Variants in DERA observed in about 807,000 individuals in gnomAD.
DERA encodes the protein 2-deoxy-D-ribose 5-phosphate aldolase.
In DERA, 15 loss-of-function variants were observed where a neutral mutation model predicts 41.1. The ratio of observed to expected loss-of-function variants is 0.37; its 90% CI spans 0.24 to 0.56. The LOEUF (loss-of-function observed/expected upper bound fraction) is 0.56, where lower values mean the gene tolerates loss of function less well. Ranked by LOEUF, DERA falls within the 20% of genes least tolerant of loss-of-function variation. The probability of loss-of-function intolerance (pLI) is 0.81; values close to 1 mark genes in which losing one functional copy is unlikely to be tolerated. For synonymous variants in DERA, 139 were observed against 137.4 expected (o/e 1.01, Z -0.08); for missense variants, 396 against 403.4 (o/e 0.98, Z 0.16).
intron 1 of DERA, among the ~76,000 whole-genome samples, chr12:15,944,873 T>G (rs1438692376): frequency 1.3e-5 from 2 of 152,214 alleles, no homozygotes; most frequent in Non-Finnish European, 2.9e-5. Context: ...GTCTAACATT[T>G]AAGTCTTTAA....
chr12:15,947,098 T>G (rs1948456252), intron 1 of DERA, among the ~76,000 whole-genome samples: 1 of 151,354 alleles, frequency 6.6e-6, no homozygotes, highest in Non-Finnish European at 1.5e-5. Flanking sequence ...AGACAGTTTG[T>G]TATAATTTCT....
chr12:15,961,298 T>G (rs1037912873), intron 4 of DERA, among the ~76,000 whole-genome samples: 4 of 152,210 alleles, frequency 2.6e-5, no homozygotes, highest in Non-Finnish European at 5.9e-5. Context: ...TGTGTATCTG[T>G]GTGTATATGG....
At chr12:15,971,891 C>A in intron 5 of DERA, 3 of 323,944 alleles carry the variant, frequency 9.3e-6, no homozygotes, top group South Asian at 3.3e-5. Context: ...GGAGCACAGT[C>A]AATCTTCAGT....
chr12:15,949,391 A>G (rs1486442104), intron 1 of DERA, among the ~76,000 whole-genome samples: 1 of 152,096 alleles, frequency 6.6e-6, no homozygotes, highest in Non-Finnish European at 1.5e-5. Context: ...TTCAGGCCTC[A>G]GCAATGGCAG....
At chr12:15,919,512 G>C (rs966514719) in intron 1 of DERA, among the ~76,000 whole-genome samples, 1 of 152,126 alleles carries the variant, frequency 6.6e-6, no homozygotes, top group Admixed American at 6.5e-5. Flanking sequence ...TTCATCTTTT[G>C]AGTTAAAGGC....
intron 1 of DERA, among the ~76,000 whole-genome samples, chr12:15,930,768 G>C (rs1174341606): frequency 1.3e-5 from 2 of 152,084 alleles, no homozygotes; most frequent in African/African-American, 2.4e-5. Context: ...CCCCTCATAA[G>C]ATATGCTTTT....
At chr12:15,932,434 G>A (rs539585917) in intron 1 of DERA, among the ~76,000 whole-genome samples, 49 of 152,212 alleles carry the variant, frequency 3.2e-4, no homozygotes, top group South Asian at 1.0e-3. Context: ...AAGATCACTT[G>A]AGTCCAGGAG....
Position 15,999,987 on chromosome 12 carries a change from A to G in DERA, c.637+17551A>G, listed in dbSNP as rs1394708445. On this transcript the variant is annotated intron_variant, in intron 6 of 8. Coordinates refer to ENST00000428559, the MANE Select transcript of DERA (RefSeq NM_015954.4). This position sits in a 1 kb window ranked among gnomAD's most constrained non-coding sequence, Gnocchi z 5.3. ...TGTGATAACACTTCAGCTGACCATC[A>G]CGAGCTCCTGAACTGAGATGCAATG... Among the ~76,000 whole-genome samples, 1 of 152,130 alleles carries G rather than the reference A, an allele frequency of 6.6e-6. No individual in the cohort carries two copies. Among genetic ancestry groups the G allele is most frequent in the East Asian group, 1.9e-4 (1 of 5,184 alleles).
At chr12:15,960,205 T>C (rs577792958) in intron 4 of DERA, among the ~76,000 whole-genome samples, 50 of 149,892 alleles carry the variant, frequency 3.3e-4, no homozygotes, top group Non-Finnish European at 4.0e-4. Context: ...TATATATATA[T>C]ATACACACAC....
chr12:16,028,482 A>T (rs1196733335), intron 6 of DERA, among the ~76,000 whole-genome samples: 1 of 152,226 alleles, frequency 6.6e-6, no homozygotes, highest in Non-Finnish European at 1.5e-5. Flanking sequence ...TTATGTAGCC[A>T]AGCCCCTGCT....
intron 1 of DERA, among the ~76,000 whole-genome samples, chr12:15,946,963 C>A (rs1406052968): frequency 1.3e-5 from 2 of 152,194 alleles, no homozygotes; most frequent in African/African-American, 2.4e-5. Context: ...ATCTTTATTT[C>A]TGCCTTCATT....
At position 16,036,526 on chromosome 12, in the gene DERA, G is replaced by A. The variant is rs930740386; in HGVS notation, c.900+145G>A. ...CTCTACCTTTTCTTCCAAGCAAACC[G>A]CCATCAGAAGTGAGTAGGGTGGAGA... On this transcript the variant is annotated intron_variant, in intron 8 of 8. Transcript: ENST00000428559. The surrounding 1 kb of genome is among the most constrained non-coding windows in gnomAD (Gnocchi z 4.9). 12 of 1,119,592 alleles carry A rather than the reference G, an allele frequency of 1.1e-5. 1 individual carries two copies. Among genetic ancestry groups the A allele is most frequent in the African/African-American group, 4.8e-5 (3 of 62,876 alleles). The allele number at this position is 1,119,592 out of a possible 1,614,324, so 69.4% of individuals were successfully genotyped here.
rs1948268840 is a variant in DERA, at chr12:15,924,624, G to A, written c.31+13210G>A. ...GTAAAATGGACCTAATGGCTACCTG[G>A]TAGAGTTAGTGAGACTATTAAGTGA... On this transcript the variant is annotated intron_variant, in intron 1 of 8. Transcript: ENST00000428559. The surrounding 1 kb of genome is among the most constrained non-coding windows in gnomAD (Gnocchi z 5.0). Among the ~76,000 whole-genome samples the A allele has an allele frequency of 6.6e-6, 1 of 152,124 alleles. No homozygotes were observed.
Position 16,008,419 on chromosome 12 carries a change from T to A in DERA, c.638-24123T>A, listed in dbSNP as rs1279981943. 6.6e-6 allele frequency among the ~76,000 whole-genome samples: 1 copy of A among 152,058 alleles called. No individual in the cohort carries two copies. The highest frequency in any genetic ancestry group is 2.4e-5 in the African/African-American group (1 of 41,386). Reference sequence around the variant, plus strand: ...TAGATGGGGTGGGGAATTACCTGCATAGGCATAGCTGGTGGTGTCTTAGGG... The same window carrying A: ...TAGATGGGGTGGGGAATTACCTGCAAAGGCATAGCTGGTGGTGTCTTAGGG... On this transcript the variant is annotated intron_variant, in intron 6 of 8. Transcript: ENST00000428559. This position sits in a 1 kb window ranked among gnomAD's most constrained non-coding sequence, Gnocchi z 4.8.
rs138728756 is a variant in DERA at position 16,012,124 on chromosome 12, C to T, written c.638-20418C>T. Among the ~76,000 whole-genome samples the T allele has an allele frequency of 4.0e-4, 61 of 152,272 alleles. 1 individual carries two copies. Among genetic ancestry groups the T allele is most frequent in the African/African-American group, 1.4e-3 (58 of 41,558 alleles). ...TATGCACTTTATAGAAAAGTACTAG[C>T]ATAGAGTGGGTGCTCAGTAAGTGTT... is the stretch of plus-strand genomic sequence containing the variant. On this transcript the variant is annotated intron_variant, in intron 6 of 8. Transcript: ENST00000428559. The surrounding 1 kb of genome is among the most constrained non-coding windows in gnomAD (Gnocchi z 4.1).
intron 7 of DERA, among the ~76,000 whole-genome samples, chr12:16,033,801 T>C (rs1408495592): frequency 6.6e-6 from 1 of 152,114 alleles, no homozygotes. Context: ...TACTGTTTTA[T>C]GAGAGGAAAT....
Position 15,972,436 on chromosome 12 carries a change from C to T in DERA, c.508+9489C>T, listed in dbSNP as rs2045873. ...CACACATCCCAGCCAGCTGGCTGTCCCGCAGGGCCCCCTTGCAATGCAGCT... is the reference window on the plus strand; with the variant it reads ...CACACATCCCAGCCAGCTGGCTGTCTCGCAGGGCCCCCTTGCAATGCAGCT... On this transcript the variant is annotated intron_variant, in intron 5 of 8. Transcript: ENST00000428559. This position sits in a 1 kb window ranked among gnomAD's most constrained non-coding sequence, Gnocchi z 4.4. 0.62 allele frequency: 95,050 copies of T among 152,488 alleles called. 29,989 individuals carry two copies. Among genetic ancestry groups the T allele is most frequent in the East Asian group, 0.82 (4,233 of 5,148 alleles). 9.4% of individuals were successfully genotyped at this position (152,488 alleles called of 1,614,324 possible). A position where few individuals can be genotyped will look rare whatever the true frequency, so the allele number is the denominator to read the frequency against.
Position 15,956,958 on chromosome 12 carries a change from A to C in DERA, c.54A>C (p.Ile18=). 4 of 1,613,974 alleles carry C rather than the reference A, an allele frequency of 2.5e-6. No homozygotes were observed. Among genetic ancestry groups the C allele is most frequent in the Non-Finnish European group, 3.4e-6 (4 of 1,179,850 alleles). The stretch of plus-strand genomic sequence containing the variant: ...TAGACCTTAGCTGGATCTCCAAAAT[A>C]CAAGTGAATCACCCGGCAGTTCTGA... ...TELDLSWISK[I]QVNHPAVLRR... Residue 18 remains isoleucine, a synonymous_variant, in exon 2 of 9, where the codon ATA becomes ATC. Coordinates refer to ENST00000428559, the MANE Select transcript of DERA (RefSeq NM_015954.4).
intron 4 of DERA, among the ~76,000 whole-genome samples, chr12:15,961,102 C>T (rs1352240242): frequency 6.6e-6 from 1 of 152,118 alleles, no homozygotes; most frequent in Non-Finnish European, 1.5e-5. Context: ...CCTGATGGTA[C>T]TGGATAAATT....
Sources: allele counts gnomAD v4.1 joint callset (sites outside exome capture counted in the v4.1 genomes callset), GRCh38; gene constraint gnomAD v4.1.1; non-coding constraint Gnocchi (gnomAD v3.1); transcripts MANE v1.5; gene names NCBI Gene and HGNC (gene_info 2026-07-23, HGNC 2026-07-21).